The following HEXB variants were observed in gnomAD, a reference collection of about 807,000 sequenced individuals.
HEXB encodes beta-hexosaminidase subunit beta.
Under a neutral mutation model 71.2 loss-of-function variants are expected in HEXB, and 51 were observed. That is an observed-to-expected ratio of 0.72 (90% CI 0.57 to 0.90). The LOEUF is 0.90. HEXB is among the 40% of genes least tolerant of loss of function. The pLI is 0.00. For synonymous variants in HEXB, 266 were observed against 249.3 expected (o/e 1.07, Z -0.63); for missense variants, 617 against 677.0 (o/e 0.91, Z 0.98).
In HEXB at chr5:74,693,688, T is replaced by C. The variant is rs1749050782; in HGVS notation, c.495T>C (p.Val165=). Reference sequence around the variant, plus strand: ...TGGCTGTCCTTAAGGCCAACAGAGTTTGGGGAGCATTACGAGGTAAGTTCC... The same window carrying C: ...TGGCTGTCCTTAAGGCCAACAGAGTCTGGGGAGCATTACGAGGTAAGTTCC... ...EPVAVLKANR[V]WGALRGLETF... The change falls in exon 3 of 14, where the codon GTT becomes GTC. Residue 165 remains valine, a synonymous_variant. Transcript: ENST00000261416. 2.5e-6 allele frequency: 4 copies of C among 1,612,378 alleles called. No homozygotes were observed. Among genetic ancestry groups the C allele is most frequent in the Non-Finnish European group, 3.4e-6 (4 of 1,178,516 alleles).
intron 3 of HEXB, among the ~76,000 whole-genome samples, chr5:74,695,052 A>G (rs959464768): frequency 6.6e-6 from 1 of 152,144 alleles, no homozygotes; most frequent in African/African-American, 2.4e-5. Flanking sequence ...ATTTTATACC[A>G]TAAGATTATA....
chr5:74,677,548 T>A lies in HEXB; in HGVS notation c.-376-11780T>A, dbSNP rs1241383380. ...CTCAGAGGTCCATGCCAAGTTCAGC[T>A]CTCTTTGCCAACACCAGCAATTCAA... On this transcript the variant is annotated intron_variant, in intron 1 of 13. Coordinates refer to the HEXB transcript ENST00000511181. 8.9e-5 allele frequency among the ~76,000 whole-genome samples: 13 copies of A among 146,110 alleles called. No individual in the cohort carries two copies. In the East Asian group the frequency reaches 2.5e-3, roughly 28 times the overall value.
chr5:74,688,244 TTAATA>T (rs1298638173), intron 1 of HEXB, among the ~76,000 whole-genome samples: 1 of 81,510 alleles, frequency 1.2e-5, no homozygotes, highest in Non-Finnish European at 3.2e-5. Flanking sequence ...GTATTTAATA[TTAATA>T]TTAATATTTA....
At chr5:74,651,340 G>A (rs897216703) in intron 1 of HEXB, among the ~76,000 whole-genome samples, 5 of 152,254 alleles carry the variant, frequency 3.3e-5, no homozygotes, top group Admixed American at 1.3e-4. Flanking sequence ...CAGTAGTAAT[G>A]TAACTATTTA....
chr5:74,676,914 T>C, intron 1 of HEXB, among the ~76,000 whole-genome samples: 1 of 152,058 alleles, frequency 6.6e-6, no homozygotes, highest in Middle Eastern at 3.2e-3. Flanking sequence ...TGAGACGGAG[T>C]CTCACTCTGT....
intron 5 of HEXB, among the ~76,000 whole-genome samples, chr5:74,701,799 C>G (rs867950360): frequency 6.6e-6 from 1 of 151,934 alleles, no homozygotes; most frequent in Middle Eastern, 3.2e-3. Flanking sequence ...AATACGTTTT[C>G]TAAACCACAT....
At chr5:74,700,529 TC>T (rs1459464316) in intron 5 of HEXB, among the ~76,000 whole-genome samples, 1 of 152,038 alleles carries the variant, frequency 6.6e-6, no homozygotes, top group Non-Finnish European at 1.5e-5. Flanking sequence ...ACTCCTGGTG[TC>T]AAATGATCCT....
At chr5:74,691,151 A>G (rs1748995128) in intron 2 of HEXB, among the ~76,000 whole-genome samples, 1 of 152,252 alleles carries the variant, frequency 6.6e-6, no homozygotes, top group Admixed American at 6.5e-5. Flanking sequence ...TTTCAGCTGA[A>G]GAATAAACTA....
upstream of HEXB, among the ~76,000 whole-genome samples, chr5:74,682,803 A>T (rs1748763349): frequency 2.6e-5 from 4 of 152,236 alleles, no homozygotes; most frequent in Admixed American, 2.6e-4. Context: ...AACATGCACC[A>T]TGTAGGGGTG....
At chr5:74,685,221 C>G, upstream of HEXB, 1 of 1,472,694 alleles carries the variant, frequency 6.8e-7, no homozygotes, top group Non-Finnish European at 8.9e-7. Context: ...GGTCCCGAGG[C>G]TCCGGCTCGG....
intron 5 of HEXB, among the ~76,000 whole-genome samples, chr5:74,704,874 T>G (rs1216671845): frequency 6.6e-6 from 1 of 152,126 alleles, no homozygotes; most frequent in African/African-American, 2.4e-5. Flanking sequence ...GGTGGTTGGC[T>G]TGAGCCCAGG....
upstream of HEXB, chr5:74,685,215 C>G: frequency 6.8e-7 from 1 of 1,467,626 alleles, no homozygotes; most frequent in Non-Finnish European, 9.0e-7. Context: ...AAGTCGGGTC[C>G]CGAGGCTCCG....
chr5:74,692,334 C>CAAAAA (rs916578254), intron 2 of HEXB, among the ~76,000 whole-genome samples: 2 of 52,414 alleles, frequency 3.8e-5, no homozygotes, highest in African/African-American at 5.8e-5. Flanking sequence ...CCTGTCTCTA[C>CAAAAA]AAAAAAAAAA....
At chr5:74,716,933 T>C in intron 9 of HEXB, 2 of 304,374 alleles carry the variant, frequency 6.6e-6, no homozygotes, top group South Asian at 6.5e-5. Context: ...CTCACACCTG[T>C]AATCCCGGCA....
At chr5:74,665,328 A>T (rs1186033733) in intron 1 of HEXB, among the ~76,000 whole-genome samples, 5 of 152,180 alleles carry the variant, frequency 3.3e-5, no homozygotes, top group African/African-American at 4.8e-5. Context: ...GATTTTTAAA[A>T]TTTTCTTTTT....
chr5:74,645,348 G>C (rs538543496), intron 1 of HEXB, among the ~76,000 whole-genome samples: 1 of 152,250 alleles, frequency 6.6e-6, no homozygotes, highest in South Asian at 2.1e-4. Flanking sequence ...ACTGCAAGCG[G>C]GTGCCATGGT....
Position 74,713,609 on chromosome 5 carries a change from C to A in HEXB, c.875C>A (p.Pro292His). ...CGAGTCCTGCCAGAATTTGATACCC[C>A]TGGGCATACACTATCTTGGGGAAAA... is the stretch of plus-strand genomic sequence containing the variant. ...GIRVLPEFDT[P>H]GHTLSWGKGQ... The change falls in exon 7 of 14, where the codon CCT (proline) becomes CAT (histidine). Residue 292 changes from proline (P) to histidine (H), a missense_variant. Physicochemically the swap from Pro to His is moderately conservative, Grantham distance 77. Coordinates refer to ENST00000261416, the MANE Select transcript of HEXB (RefSeq NM_000521.4). 6.2e-7 allele frequency: 1 copy of A among 1,613,290 alleles called. No homozygotes were observed. Among genetic ancestry groups the A allele is most frequent in the Non-Finnish European group, 8.5e-7 (1 of 1,179,244 alleles).
chr5:74,677,569 T>C (rs1748657255), intron 1 of HEXB, among the ~76,000 whole-genome samples: 1 of 146,834 alleles, frequency 6.8e-6, no homozygotes, highest in African/African-American at 2.5e-5. Context: ...ACACCAGCAA[T>C]TCAACAGTGC....
chr5:74,672,264 A>T (rs1424520954), intron 1 of HEXB, among the ~76,000 whole-genome samples: 1 of 152,226 alleles, frequency 6.6e-6, no homozygotes, highest in Non-Finnish European at 1.5e-5. Context: ...CCCTCCAGGG[A>T]AGCCCAGTGT....
Sources: gnomAD v4.1 joint callset for allele counts (sites outside exome capture counted in the v4.1 genomes callset) on GRCh38, gnomAD v4.1.1 for gene constraint, MANE v1.5 for transcripts, NCBI Gene and HGNC (gene_info 2026-07-23, HGNC 2026-07-21) for gene names.